The following BMP6 variants were observed in gnomAD, a reference collection of about 807,000 sequenced individuals.
The protein encoded by BMP6 is VG-1-R.
Under a neutral mutation model 54.1 loss-of-function variants are expected in BMP6, and 17 were observed. The ratio of observed to expected loss-of-function variants is 0.31; its 90% confidence interval spans 0.22 to 0.47. The LOEUF is 0.47. Ranked by LOEUF, BMP6 falls within the 20% of genes least tolerant of loss-of-function variation. The pLI, the probability that BMP6 is intolerant of heterozygous loss-of-function variation, is 1.00. For synonymous variants in BMP6, 328 were observed against 291.2 expected (o/e 1.13, Z -1.28); for missense variants, 720 against 690.4 (o/e 1.04, Z -0.48).
intron 2 of BMP6, among the ~76,000 whole-genome samples, chr6:7,856,693 T>G (rs1759244061): frequency 7.3e-6 from 1 of 137,590 alleles, no homozygotes. Flanking sequence ...GCCTCCCGGG[T>G]TCACGCCATT....
At chr6:7,767,075 C>T (rs1335182648) in intron 1 of BMP6, among the ~76,000 whole-genome samples, 1 of 151,470 alleles carries the variant, frequency 6.6e-6, no homozygotes, top group Non-Finnish European at 1.5e-5. Context: ...CAAGCTCCAC[C>T]TCCCGGGTTC....
chr6:7,853,672 C>G (rs2113265659), intron 2 of BMP6, among the ~76,000 whole-genome samples: 1 of 152,302 alleles, frequency 6.6e-6, no homozygotes, highest in South Asian at 2.1e-4. Flanking sequence ...CTTTCTGTGT[C>G]TGGCTTTCAC....
intron 1 of BMP6, among the ~76,000 whole-genome samples, chr6:7,784,497 T>A (rs1391083391): frequency 6.6e-6 from 1 of 152,180 alleles, no homozygotes; most frequent in Non-Finnish European, 1.5e-5. Context: ...GTTCACAGTG[T>A]TATCACAAGT....
intron 4 of BMP6, among the ~76,000 whole-genome samples, chr6:7,877,516 G>A (rs1044884203): frequency 1.3e-5 from 2 of 152,110 alleles, no homozygotes; most frequent in South Asian, 2.1e-4. Flanking sequence ...CCAGCTACTC[G>A]GGAGACTGAG....
intron 2 of BMP6, among the ~76,000 whole-genome samples, chr6:7,855,019 C>T (rs1248261735): frequency 6.6e-6 from 1 of 152,190 alleles, no homozygotes; most frequent in Non-Finnish European, 1.5e-5. Flanking sequence ...AACACTGATA[C>T]TTTGGACTCG....
chr6:7,780,110 T>C (rs1399966977), intron 1 of BMP6, among the ~76,000 whole-genome samples: 2 of 152,218 alleles, frequency 1.3e-5, no homozygotes, highest in Non-Finnish European at 2.9e-5. Context: ...TTCACTGTAG[T>C]GCTCATTTGT....
At chr6:7,737,182 T>C (rs1272242090) in intron 1 of BMP6, among the ~76,000 whole-genome samples, 2 of 150,610 alleles carry the variant, frequency 1.3e-5, no homozygotes, top group African/African-American at 4.9e-5. Flanking sequence ...CGAGACTCCA[T>C]CTCAAAAAAA....
chr6:7,870,525 C>T (rs553730106), intron 4 of BMP6, among the ~76,000 whole-genome samples: 242 of 152,324 alleles, frequency 1.6e-3, no homozygotes, highest in African/African-American at 5.7e-3. Flanking sequence ...GGGATGGTGC[C>T]TGTCTCTGCC....
intron 1 of BMP6, among the ~76,000 whole-genome samples, chr6:7,821,125 G>A (rs1273061621): frequency 6.6e-6 from 1 of 152,232 alleles, no homozygotes; most frequent in Non-Finnish European, 1.5e-5. Flanking sequence ...TGTTTCTCCA[G>A]TGGTCCCTTT....
At chr6:7,751,555 C>T (rs1353200481) in intron 1 of BMP6, among the ~76,000 whole-genome samples, 2 of 152,162 alleles carry the variant, frequency 1.3e-5, no homozygotes, top group Non-Finnish European at 1.5e-5. Flanking sequence ...TTTTCTGCCT[C>T]GGCATTCTCT....
chr6:7,821,564 T>G (rs1758611732), intron 1 of BMP6, among the ~76,000 whole-genome samples: 2 of 152,238 alleles, frequency 1.3e-5, no homozygotes, highest in South Asian at 4.1e-4. Flanking sequence ...TAGTTATCAG[T>G]AGGCATCATA....
At chr6:7,748,191 T>C (rs1042892178) in intron 1 of BMP6, among the ~76,000 whole-genome samples, 3 of 152,178 alleles carry the variant, frequency 2.0e-5, no homozygotes, top group African/African-American at 7.2e-5. Context: ...TTTTCCTCTC[T>C]GTGCTCCAGT....
chr6:7,851,714 ACT>A (rs1403606230), intron 2 of BMP6, among the ~76,000 whole-genome samples: 9 of 152,030 alleles, frequency 5.9e-5, no homozygotes, highest in Non-Finnish European at 1.3e-4. Context: ...TTTGTAGATA[ACT>A]CTTCAGTAGA....
At chr6:7,869,283 A>C (rs1266763444) in intron 4 of BMP6, among the ~76,000 whole-genome samples, 2 of 152,218 alleles carry the variant, frequency 1.3e-5, no homozygotes, top group East Asian at 3.9e-4. Flanking sequence ...CCTGCCTGTC[A>C]CTGGCCCATC....
chr6:7,765,955 A>G (rs769833591), intron 1 of BMP6, among the ~76,000 whole-genome samples: 29 of 152,180 alleles, frequency 1.9e-4, no homozygotes, highest in Non-Finnish European at 2.5e-4. Context: ...TGCCTCCTGC[A>G]TTCCCTTTGT....
chr6:7,837,494 C>T (rs1282698592), intron 1 of BMP6, among the ~76,000 whole-genome samples: 1 of 152,126 alleles, frequency 6.6e-6, no homozygotes, highest in East Asian at 1.9e-4. Flanking sequence ...TAGTTCGCTG[C>T]AACCTGGATG....
chr6:7,818,959 G>A (rs1280162899), intron 1 of BMP6, among the ~76,000 whole-genome samples: 1 of 152,338 alleles, frequency 6.6e-6, no homozygotes, highest in African/African-American at 2.4e-5. Context: ...GATATCCCAT[G>A]TCCAACCAGG....
At chr6:7,788,461 A>G (rs1279054732) in intron 1 of BMP6, among the ~76,000 whole-genome samples, 2 of 152,310 alleles carry the variant, frequency 1.3e-5, no homozygotes, top group African/African-American at 2.4e-5. Context: ...CCTGTCTTCT[A>G]TGTCTAGGCT....
At chr6:7,765,147 C>T (rs927819617) in intron 1 of BMP6, among the ~76,000 whole-genome samples, 17 of 152,154 alleles carry the variant, frequency 1.1e-4, no homozygotes, top group African/African-American at 3.6e-4. Context: ...TTGTAGGCCT[C>T]GAGTTTCCCA....
Sources: allele counts gnomAD v4.1 joint callset (sites outside exome capture counted in the v4.1 genomes callset), GRCh38; gene constraint gnomAD v4.1.1; transcripts MANE v1.5; gene names NCBI Gene and HGNC (gene_info 2026-07-23, HGNC 2026-07-21).